OLFM3: variants seen among roughly 807,000 people sequenced by gnomAD.
OLFM3 encodes the protein noelin-3.
OLFM3 carries 20 observed loss-of-function variants against 48.6 expected under a neutral mutation model. That is an observed-to-expected ratio of 0.41 (90% CI 0.29 to 0.60). OLFM3 has a LOEUF of 0.60. Ranked by LOEUF, OLFM3 falls within the 20% of genes least tolerant of loss-of-function variation. The probability of loss-of-function intolerance (pLI) is 0.28; values close to 1 mark genes in which losing one functional copy is unlikely to be tolerated. For missense variants in OLFM3, 437 were observed against 544.3 expected (o/e 0.80, Z 1.96); for synonymous variants, 222 against 198.1 (o/e 1.12, Z -1.01).
chr1:101,961,414 A>G (rs1164493411), intron 1 of OLFM3, among the ~76,000 whole-genome samples: 2 of 152,044 alleles, frequency 1.3e-5, no homozygotes, highest in African/African-American at 4.8e-5. Context: ...CCTAGAACTT[A>G]TTATATACCA....
At chr1:101,980,584 C>T (rs779416931) in intron 1 of OLFM3, among the ~76,000 whole-genome samples, 6 of 152,154 alleles carry the variant, frequency 3.9e-5, no homozygotes, top group Middle Eastern at 6.3e-3. Flanking sequence ...TTTCTGAGGC[C>T]TCCCCAGCAA....
In OLFM3 at chr1:101,803,747, A is replaced by G. The variant is rs1477807510; in HGVS notation, c.*491T>C. 6.6e-6 allele frequency: 1 copy of G among 152,544 alleles called. No homozygotes were observed. The highest frequency in any genetic ancestry group is 1.5e-5 in the Non-Finnish European group (1 of 68,112). The allele number at this position is 152,544 out of a possible 1,614,324, so 9.4% of individuals were successfully genotyped here. A position where few individuals can be genotyped will look rare whatever the true frequency, so the allele number is the denominator to read the frequency against. ...ATCAGAGAATTGTGTTAACAGCAAA[A>G]TGATTAATATTATTTTTCAATATAA... On this transcript the variant is annotated 3_prime_UTR_variant, in exon 6 of 6. Coordinates refer to ENST00000370103, the MANE Select transcript of OLFM3 (RefSeq NM_058170.4).
At chr1:101,985,662 T>C (rs1201065363) in intron 1 of OLFM3, among the ~76,000 whole-genome samples, 2 of 152,172 alleles carry the variant, frequency 1.3e-5, no homozygotes, top group African/African-American at 4.8e-5. Context: ...ATAAAGACAG[T>C]AGAAACAAAA....
intron 1 of OLFM3, among the ~76,000 whole-genome samples, chr1:101,895,109 T>C (rs987404441): frequency 6.6e-6 from 1 of 152,140 alleles, no homozygotes; most frequent in Non-Finnish European, 1.5e-5. Context: ...AACATCTTTA[T>C]TTTTAAACCC....
chr1:101,956,103 T>TTTTTTTTTTTTTTTTAA (rs781231551), intron 1 of OLFM3, among the ~76,000 whole-genome samples: 2 of 143,256 alleles, frequency 1.4e-5, no homozygotes, highest in African/African-American at 5.3e-5. Flanking sequence ...TTTTTTTTTT[T>TTTTTTTTTTTTTTTTAA]AAAAAAAACC....
intron 3 of OLFM3, among the ~76,000 whole-genome samples, chr1:101,829,668 C>A (rs573813306): frequency 2.0e-5 from 3 of 152,354 alleles, no homozygotes; most frequent in African/African-American, 7.2e-5. Context: ...GAGTTCAGAT[C>A]CACTCCCTCA....
intron 1 of OLFM3, among the ~76,000 whole-genome samples, chr1:101,950,625 T>C (rs1660116383): frequency 6.6e-6 from 1 of 151,958 alleles, no homozygotes; most frequent in Admixed American, 6.5e-5. Context: ...TTGGTATTTT[T>C]AGTAGAGACG....
intron 1 of OLFM3, among the ~76,000 whole-genome samples, chr1:101,986,997 C>A (rs2101116324): frequency 6.6e-6 from 1 of 152,298 alleles, no homozygotes; most frequent in African/African-American, 2.4e-5. Flanking sequence ...CACTGTTTTT[C>A]TTTTAACTGT....
At chr1:101,966,402 C>A (rs1438617214) in intron 1 of OLFM3, among the ~76,000 whole-genome samples, 1 of 151,678 alleles carries the variant, frequency 6.6e-6, no homozygotes, top group African/African-American at 2.4e-5. Flanking sequence ...CAAATTCCTG[C>A]ACTCAAGAGA....
At chr1:101,854,298 G>T (rs539758457) in intron 1 of OLFM3, among the ~76,000 whole-genome samples, 122 of 152,016 alleles carry the variant, frequency 8.0e-4, no homozygotes, top group Non-Finnish European at 1.5e-3. Context: ...TTTGCCTTGA[G>T]GTTTCAATAT....
intron 1 of OLFM3, among the ~76,000 whole-genome samples, chr1:101,898,870 A>C (rs375260417): frequency 2.1e-4 from 32 of 152,280 alleles, no homozygotes; most frequent in East Asian, 1.4e-3. Context: ...AACAAACAAA[A>C]AAAACAGAAT....
chr1:101,922,313 T>C (rs1055835372), intron 1 of OLFM3, among the ~76,000 whole-genome samples: 10 of 152,222 alleles, frequency 6.6e-5, no homozygotes, highest in Admixed American at 2.6e-4. Context: ...TTAATAAATA[T>C]TGGCTCTTAA....
chr1:101,817,096 C>A (rs1419445383), intron 4 of OLFM3, among the ~76,000 whole-genome samples: 6 of 152,016 alleles, frequency 3.9e-5, no homozygotes, highest in Admixed American at 1.3e-4. Flanking sequence ...ATAAAATAAA[C>A]AATAAGAGTC....
At chr1:101,962,373 T>C (rs1448318035) in intron 1 of OLFM3, among the ~76,000 whole-genome samples, 1 of 152,136 alleles carries the variant, frequency 6.6e-6, no homozygotes, top group Non-Finnish European at 1.5e-5. Flanking sequence ...TTTTTGTTCC[T>C]TTTCCTTTAT....
intron 1 of OLFM3, among the ~76,000 whole-genome samples, chr1:101,990,438 T>G (rs1570695493): frequency 6.6e-6 from 1 of 152,196 alleles, no homozygotes; most frequent in African/African-American, 2.4e-5. Flanking sequence ...TGCACTAAAT[T>G]TTATGGTTTA....
rs550214036 is a variant in OLFM3 at position 101,972,523 on chromosome 1, T to C, written c.69+24225A>G. Reference sequence around the variant, plus strand: ...CTTTAGGATGTTGGTTTGGAAAACATTTTAAAAATGATTATATCTAACTCC... The same window carrying C: ...CTTTAGGATGTTGGTTTGGAAAACACTTTAAAAATGATTATATCTAACTCC... On this transcript the variant is annotated intron_variant, in intron 1 of 5. Transcript: ENST00000370103. 3.3e-5 allele frequency among the ~76,000 whole-genome samples: 5 copies of C among 152,302 alleles called. No homozygotes were observed. In the South Asian group the frequency reaches 1.0e-3, roughly 32 times the overall value.
At chr1:101,887,961 G>C (rs1393414832) in intron 1 of OLFM3, among the ~76,000 whole-genome samples, 1 of 152,012 alleles carries the variant, frequency 6.6e-6, no homozygotes, top group African/African-American at 2.4e-5. Context: ...ATTATAGTAT[G>C]CAGCTATTAA....
intron 1 of OLFM3, among the ~76,000 whole-genome samples, chr1:101,942,527 C>T (rs545684235): frequency 2.0e-5 from 3 of 152,276 alleles, no homozygotes; most frequent in South Asian, 4.1e-4. Context: ...TTCTAAGACA[C>T]CTCTTTGTAT....
intron 1 of OLFM3, among the ~76,000 whole-genome samples, chr1:101,919,222 T>C (rs534467361): frequency 4.3e-4 from 65 of 152,178 alleles, no homozygotes; most frequent in Non-Finnish European, 8.1e-4. Flanking sequence ...TAAAAATCTT[T>C]AAATACTTTA....
Sources: gnomAD v4.1 joint callset for allele counts (sites outside exome capture counted in the v4.1 genomes callset) on GRCh38, gnomAD v4.1.1 for gene constraint, MANE v1.5 for transcripts, NCBI Gene and HGNC (gene_info 2026-07-23, HGNC 2026-07-21) for gene names.